CBX7: variants seen among roughly 807,000 people sequenced by gnomAD.
The protein encoded by CBX7 is chromobox 7.
A neutral mutation model predicts 31.4 loss-of-function variants in CBX7; 14 were observed. The ratio of observed to expected loss-of-function variants is 0.45; its 90% CI spans 0.29 to 0.70. The LOEUF (loss-of-function observed/expected upper bound fraction) is 0.70, where lower values mean the gene tolerates loss of function less well. Among genes scored for constraint, CBX7 ranks in the 30% least tolerant of loss-of-function variants. CBX7 has a pLI of 0.11. For synonymous variants in CBX7, 159 were observed against 152.6 expected (o/e 1.04, Z -0.31); for missense variants, 269 against 351.9 (o/e 0.76, Z 1.89).
intron 5 of CBX7, 130 bp from the exon 6 acceptor site, chr22:39,134,178 G>T: frequency 9.7e-7 from 1 of 1,027,914 alleles, no homozygotes; most frequent in East Asian, 2.5e-5. Context: ...ACACAGGGCT[G>T]GACACTTGGG....
intron 2 of CBX7, among the ~76,000 whole-genome samples, chr22:39,141,773 G>A (rs113439199): frequency 7.3e-5 from 11 of 150,482 alleles, no homozygotes; most frequent in African/African-American, 2.2e-4. Context: ...CAGAGCCATC[G>A]CTTCTACTGG....
At chr22:39,141,750 A>G (rs1027040835) in intron 2 of CBX7, among the ~76,000 whole-genome samples, 1 of 151,978 alleles carries the variant, frequency 6.6e-6, no homozygotes, top group Admixed American at 6.6e-5. Context: ...CTCTAAAAAA[A>G]AAAAAAAAAG....
chr22:39,145,883 T>G (rs1045343947), intron 2 of CBX7, among the ~76,000 whole-genome samples: 1 of 151,092 alleles, frequency 6.6e-6, no homozygotes, highest in Non-Finnish European at 1.5e-5. Context: ...GGGCACGCAG[T>G]GGGAAGGGGC....
chr22:39,149,582 G>A, intron 2 of CBX7: 1 of 590,374 alleles, frequency 1.7e-6, no homozygotes, highest in South Asian at 2.1e-5. Flanking sequence ...GGCAGGGTGA[G>A]AAGAGAAGCT....
Position 39,134,416 on chromosome 22 carries a change from G to T in CBX7, c.583C>A (p.Pro195Thr), listed in dbSNP as rs772181165. ...AAGEWEPAAQ[P>T]PEEEADADLA... ...GCCGCCTTACCCTCCTCTTCAGGGG[G>T]CTGCGCAGCAGGCTCCCACTCGCCA... The change falls in exon 5 of 6, where the codon CCC becomes ACC. Residue 195 changes from proline to threonine, a missense_variant. Transcript: ENST00000216133. 3.1e-6 allele frequency: 5 copies of T among 1,600,094 alleles called. No individual in the cohort carries two copies. The highest frequency in any genetic ancestry group is 4.2e-6 in the Non-Finnish European group (5 of 1,179,288).
chr22:39,137,961 C>T (rs532536587), intron 4 of CBX7, among the ~76,000 whole-genome samples: 1 of 152,110 alleles, frequency 6.6e-6, no homozygotes, highest in Non-Finnish European at 1.5e-5. Context: ...CCGGGCGGAT[C>T]ATGAGGTCAG....
chr22:39,140,811 A>G (rs1438182464), intron 3 of CBX7, among the ~76,000 whole-genome samples: 1 of 151,872 alleles, frequency 6.6e-6, no homozygotes, highest in African/African-American at 2.4e-5. Context: ...GAGGTGGGAG[A>G]CTGTGCCTGG....
chr22:39,141,913 C>T (rs1882877617), intron 2 of CBX7, among the ~76,000 whole-genome samples: 2 of 152,198 alleles, frequency 1.3e-5, no homozygotes, highest in Admixed American at 6.5e-5. Flanking sequence ...CTGAGGGCTC[C>T]AGCAACACCA....
rs1569113959 is a variant in CBX7, at chr22:39,152,284, G to A, written c.69+92C>T. ...AGGGCTGCCGGGGCCCCCGCGCCCC[G>A]CTTTCCCCTTCAGCCCCAGCGTGGA... On this transcript the variant is annotated intron_variant, in intron 1 of 5. Coordinates refer to ENST00000216133, the MANE Select transcript of CBX7 (RefSeq NM_175709.5). This position sits in a 1 kb window ranked among gnomAD's most constrained non-coding sequence, Gnocchi z 4.9. 1 of 842,312 alleles carries A rather than the reference G, an allele frequency of 1.2e-6. No individual in the cohort carries two copies. The highest frequency in any genetic ancestry group is 1.6e-6 in the Non-Finnish European group (1 of 640,700). The allele number at this position is 842,312 out of a possible 1,614,324, so 52.2% of individuals were successfully genotyped here.
Position 39,132,348 on chromosome 22 carries a change from T to C in CBX7, c.*1543A>G, listed in dbSNP as rs1464526846. On this transcript the variant is annotated 3_prime_UTR_variant, in exon 6 of 6. Coordinates refer to ENST00000216133, the MANE Select transcript of CBX7 (RefSeq NM_175709.5). ...CAGGTCTCAAACTTGCTGGCCGCAC[T>C]CCACTCTTGGTGTGTGTTACCCTGA... 1.3e-5 allele frequency: 2 copies of C among 152,214 alleles called. No homozygotes were observed. The highest frequency in any genetic ancestry group is 2.9e-5 in the Non-Finnish European group (2 of 68,066). The allele number at this position is 152,214 out of a possible 1,614,324, so 9.4% of individuals were successfully genotyped here.
At position 39,133,983 on chromosome 22, in the gene CBX7, C is replaced by T. The variant is rs779921144; in HGVS notation, c.664G>A (p.Val222Met). The change falls in exon 6 of 6, where the codon GTG becomes ATG. Residue 222 changes from valine to methionine, a missense_variant. This residue lies in a region of CBX7 where 222 missense variants were observed against 240.4 expected (regional missense o/e 0.92). Coordinates refer to ENST00000216133, the MANE Select transcript of CBX7 (RefSeq NM_175709.5). ...TPALPSSEVT[V>M]TDITANSITV... ...ATGGAGTTGGCGGTGATGTCGGTCA[C>T]GGTCACCTCACTTGAGGGGAGCGCA... 6.8e-6 allele frequency: 11 copies of T among 1,613,666 alleles called. No homozygotes were observed. Among genetic ancestry groups the T allele is most frequent in the African/African-American group, 5.3e-5 (4 of 74,916 alleles).
Position 39,134,614 on chromosome 22 carries a change from C to CAGCTCAGGTGCCCACCAG in CBX7, c.384_385insCTGGTGGGCACCTGAGCT (p.Lys128_Gly129insLeuValGlyThrTer). ...AAGGGCAGGGTGGGCACCAAGGGGC[C>CAGCTCAGGTGCCCACCAG]CTTGTCCACCAGCTCAGGTGCCCCC... On this transcript the variant is annotated stop_gained and inframe_insertion, in exon 5 of 6. Coordinates refer to ENST00000216133, the MANE Select transcript of CBX7 (RefSeq NM_175709.5). LOFTEE classifies it high-confidence loss of function. 1 of 1,586,740 alleles carries CAGCTCAGGTGCCCACCAG rather than the reference C, an allele frequency of 6.3e-7. No homozygotes were observed. Among genetic ancestry groups the CAGCTCAGGTGCCCACCAG allele is most frequent in the Non-Finnish European group, 8.6e-7 (1 of 1,166,424 alleles).
At chr22:39,140,138 G>A (rs898102730) in intron 3 of CBX7, among the ~76,000 whole-genome samples, 2 of 152,156 alleles carry the variant, frequency 1.3e-5, no homozygotes, top group Non-Finnish European at 2.9e-5. Context: ...TGGAGGCCTC[G>A]TGTGACCTTG....
At chr22:39,138,526 G>A in intron 4 of CBX7, 110 bp downstream of exon 4, 1 of 1,026,172 alleles carries the variant, frequency 9.7e-7, no homozygotes, top group Non-Finnish European at 1.5e-6. Context: ...GGGTGGTACA[G>A]GCGAGGGGAC....
At chr22:39,151,134 GTAGAGGGAGTTAGTGCTGTGCC>G (rs1325006135) in intron 1 of CBX7, among the ~76,000 whole-genome samples, 2 of 152,232 alleles carry the variant, frequency 1.3e-5, no homozygotes, top group Non-Finnish European at 1.5e-5. Context: ...GGGCTCCATC[GTAGAGGGAGTTAGTGCTGTGCC>G]TGCTTCAGGC....
In CBX7 at chr22:39,138,627, G is replaced by C; in HGVS notation, c.246+9C>G. ...GGGGAGAAAGGAGGCACAAAGGCAG[G>C]CTGGTTACCTGCAGCAGAAGCCGCT... is the stretch of plus-strand genomic sequence containing the variant. On this transcript the variant is annotated intron_variant, in intron 4 of 5. Coordinates refer to ENST00000216133, the MANE Select transcript of CBX7 (RefSeq NM_175709.5). 1.9e-6 allele frequency: 3 copies of C among 1,614,014 alleles called. No homozygotes were observed. The highest frequency in any genetic ancestry group is 2.5e-6 in the Non-Finnish European group (3 of 1,179,848).
At chr22:39,150,961 TCTC>T (rs1930828464) in intron 1 of CBX7, among the ~76,000 whole-genome samples, 8 of 152,276 alleles carry the variant, frequency 5.3e-5, no homozygotes, top group Middle Eastern at 3.4e-3. Flanking sequence ...TCTGTCTGTA[TCTC>T]CTCATTCACT....
intron 2 of CBX7, among the ~76,000 whole-genome samples, chr22:39,145,168 G>C (rs1406619737): frequency 6.6e-6 from 1 of 152,194 alleles, no homozygotes; most frequent in Non-Finnish European, 1.5e-5. Context: ...CGGGCAGCTG[G>C]GTCTGAGATA....
rs142506662 is a variant in CBX7, at chr22:39,150,365, A to G, written c.70-533T>C. On this transcript the variant is annotated intron_variant, in intron 1 of 5. Transcript: ENST00000216133. Reference sequence around the variant, plus strand: ...CCAGTGACTTGAGGACTCTCAACTCAAAAGACCCTGGCAGGACCCCATGGA... The same window carrying G: ...CCAGTGACTTGAGGACTCTCAACTCGAAAGACCCTGGCAGGACCCCATGGA... Among the ~76,000 whole-genome samples the G allele has an allele frequency of 3.7e-4, 57 of 152,258 alleles. 1 individual carries two copies. In the East Asian group the frequency reaches 0.011, roughly 29 times the overall value.
Sources: allele counts gnomAD v4.1 joint callset (sites outside exome capture counted in the v4.1 genomes callset), GRCh38; gene constraint gnomAD v4.1.1; regional missense constraint gnomAD v4.1.1; non-coding constraint Gnocchi (gnomAD v3.1); transcripts MANE v1.5; gene names NCBI Gene and HGNC (gene_info 2026-07-23, HGNC 2026-07-21).